Variants in MSI2 observed in about 807,000 individuals in gnomAD.
The protein encoded by MSI2 is RNA-binding protein Musashi homolog 2.
Under a neutral mutation model 45.6 loss-of-function variants are expected in MSI2, and 17 were observed. The observed-to-expected ratio is 0.37, with a 90% CI of 0.26 to 0.56. The LOEUF is 0.56. Among genes scored for constraint, MSI2 ranks in the 20% least tolerant of loss-of-function variants. MSI2 has a pLI of 0.77. For synonymous variants in MSI2, 156 were observed against 158.2 expected (o/e 0.99, Z 0.11); for missense variants, 293 against 444.2 (o/e 0.66, Z 3.06).
intron 8 of MSI2, 54 bp downstream of exon 8, chr17:57,597,004 AC>A: frequency 7.5e-7 from 1 of 1,326,922 alleles, no homozygotes; most frequent in Non-Finnish European, 1.1e-6. Flanking sequence ...CTACGTACAC[AC>A]CCAGTCTTGC....
At chr17:57,464,472 C>T (rs192531294) in intron 6 of MSI2, among the ~76,000 whole-genome samples, 6 of 152,130 alleles carry the variant, frequency 3.9e-5, no homozygotes, top group Admixed American at 1.3e-4. Context: ...GCAGAGGTGT[C>T]TTAGAAGCAG....
the MSI2 span, among the ~76,000 whole-genome samples, chr17:57,699,182 A>AGAGAGAGAGAGAGAGAGAGAGT: frequency 4.0e-5 from 1 of 25,086 alleles, no homozygotes; most frequent in Non-Finnish European, 6.2e-5. Flanking sequence ...AGAGAGAGAG[A>AGAGAGAGAGAGAGAGAGAGAGT]GTGTGTGTGT....
intron 6 of MSI2, among the ~76,000 whole-genome samples, chr17:57,475,717 C>T (rs1347244986): frequency 6.6e-6 from 1 of 152,048 alleles, no homozygotes; most frequent in Non-Finnish European, 1.5e-5. Context: ...ACTAGGATTC[C>T]TTGGGAGTCC....
intron 10 of MSI2, among the ~76,000 whole-genome samples, chr17:57,647,956 GGTTT>G (rs763230650): frequency 1.9e-4 from 28 of 145,910 alleles, no homozygotes; most frequent in South Asian, 2.2e-4. Context: ...AGTGTTTGTT[GGTTT>G]GTTTGTTTGT....
intron 6 of MSI2, among the ~76,000 whole-genome samples, chr17:57,478,025 A>G (rs2085574775): frequency 6.6e-6 from 1 of 152,208 alleles, no homozygotes; most frequent in East Asian, 1.9e-4. Flanking sequence ...TTAAGCATGT[A>G]GAGAGCACAG....
intron 7 of MSI2, among the ~76,000 whole-genome samples, chr17:57,577,696 A>C (rs1269307312): frequency 6.6e-6 from 1 of 152,240 alleles, no homozygotes; most frequent in African/African-American, 2.4e-5. Context: ...ATGTAAGCCC[A>C]AAGGGAAAGT....
intron 11 of MSI2, among the ~76,000 whole-genome samples, chr17:57,661,947 G>A (rs1186299396): frequency 6.6e-6 from 1 of 152,142 alleles, no homozygotes; most frequent in African/African-American, 2.4e-5. Context: ...TGAAAGGTGA[G>A]ATTATGGGTC....
At chr17:57,636,831 G>A (rs1909874091) in intron 10 of MSI2, among the ~76,000 whole-genome samples, 2 of 152,162 alleles carry the variant, frequency 1.3e-5, no homozygotes, top group South Asian at 2.1e-4. Flanking sequence ...CCCAACCAGC[G>A]AGCAATGGCT....
chr17:57,291,076 C>T (rs919158842), intron 5 of MSI2, among the ~76,000 whole-genome samples: 3 of 152,154 alleles, frequency 2.0e-5, no homozygotes, highest in Admixed American at 1.3e-4. Flanking sequence ...TGGAGTGTCC[C>T]TGTTTTTCAG....
intron 10 of MSI2, among the ~76,000 whole-genome samples, chr17:57,646,058 C>G (rs1311240590): frequency 2.0e-5 from 3 of 152,168 alleles, no homozygotes; most frequent in Non-Finnish European, 4.4e-5. Context: ...GACTCCCAGC[C>G]CATACCCTCA....
At position 57,681,527 on chromosome 17, in the gene MSI2, T is replaced by C. The variant is rs1913593242; in HGVS notation, c.*2010T>C. ...AGACTAATGTAGACATTCACAGACA[T>C]GGTAGGGCAAAAGCATCTTCAAACT... is the stretch of plus-strand genomic sequence containing the variant. On this transcript the variant is annotated 3_prime_UTR_variant, in exon 14 of 14. Coordinates refer to ENST00000284073, the MANE Select transcript of MSI2 (RefSeq NM_138962.4). 1 of 182,440 alleles carries C rather than the reference T, an allele frequency of 5.5e-6. No individual in the cohort carries two copies. The highest frequency in any genetic ancestry group is 1.2e-5 in the Non-Finnish European group (1 of 85,750). The allele number at this position is 182,440 out of a possible 1,614,324, so 11.3% of individuals were successfully genotyped here.
intron 6 of MSI2, among the ~76,000 whole-genome samples, chr17:57,526,771 C>G (rs970802848): frequency 1.3e-5 from 2 of 152,144 alleles, no homozygotes; most frequent in Non-Finnish European, 2.9e-5. Context: ...TCTTTCCTCT[C>G]TAGCTCCTTC....
At chr17:57,514,799 T>C (rs1424264988) in intron 6 of MSI2, among the ~76,000 whole-genome samples, 2 of 152,032 alleles carry the variant, frequency 1.3e-5, no homozygotes, top group Non-Finnish European at 2.9e-5. Context: ...AGTCATGATT[T>C]GGGTGTAAGG....
intron 7 of MSI2, among the ~76,000 whole-genome samples, chr17:57,558,931 C>T (rs1215721610): frequency 6.6e-6 from 1 of 152,058 alleles, no homozygotes; most frequent in Non-Finnish European, 1.5e-5. Context: ...GGTGTGGTGG[C>T]GGGAGCCTGT....
At chr17:57,294,691 A>G (rs546966508) in intron 5 of MSI2, 1 of 152,432 alleles carries the variant, frequency 6.6e-6, no homozygotes, top group South Asian at 2.1e-4. Flanking sequence ...GCCACAAGTC[A>G]GTCGATCCTG....
chr17:57,519,971 C>T (rs1364312966), intron 6 of MSI2, among the ~76,000 whole-genome samples: 2 of 152,010 alleles, frequency 1.3e-5, no homozygotes, highest in East Asian at 3.9e-4. Context: ...TCGGGAGGAT[C>T]GCTGGAGCCC....
At chr17:57,282,234 G>A (rs1027271606) in intron 5 of MSI2, among the ~76,000 whole-genome samples, 3 of 152,094 alleles carry the variant, frequency 2.0e-5, no homozygotes, top group African/African-American at 7.2e-5. Flanking sequence ...ACCCACAGAG[G>A]CTTTGAAAGG....
intron 11 of MSI2, among the ~76,000 whole-genome samples, chr17:57,665,242 G>A (rs749272768): frequency 2.0e-5 from 3 of 152,226 alleles, no homozygotes; most frequent in Non-Finnish European, 4.4e-5. Context: ...CTCGAGGACA[G>A]GCCAGTCCTG....
At chr17:57,330,893 C>T (rs1914197184) in intron 5 of MSI2, among the ~76,000 whole-genome samples, 1 of 150,636 alleles carries the variant, frequency 6.6e-6, no homozygotes, top group African/African-American at 2.5e-5. Flanking sequence ...CCTGGCCTTG[C>T]CCAAAGAGGT....
Sources: allele counts gnomAD v4.1 joint callset (sites outside exome capture counted in the v4.1 genomes callset), GRCh38; gene constraint gnomAD v4.1.1; transcripts MANE v1.5; gene names NCBI Gene and HGNC (gene_info 2026-07-23, HGNC 2026-07-21).